The following ALCAM variants were observed in gnomAD, a reference collection of about 807,000 sequenced individuals.
ALCAM encodes the protein CD166 antigen.
In ALCAM, 30 loss-of-function variants were observed where a neutral mutation model predicts 70.9. The observed-to-expected ratio is 0.42, with a 90% CI of 0.32 to 0.57. The LOEUF is 0.57. Among genes scored for constraint, ALCAM ranks in the 20% least tolerant of loss-of-function variants. The probability of loss-of-function intolerance (pLI) is 0.11; values close to 1 mark genes in which losing one functional copy is unlikely to be tolerated. For missense variants in ALCAM, 591 were observed against 695.1 expected (o/e 0.85, Z 1.68); for synonymous variants, 249 against 242.5 (o/e 1.03, Z -0.25).
At chr3:105,474,453 T>C (rs1343498955) in intron 1 of ALCAM, among the ~76,000 whole-genome samples, 1 of 151,812 alleles carries the variant, frequency 6.6e-6, no homozygotes, top group East Asian at 1.9e-4. Context: ...TTCAGTCTGA[T>C]TAAATTGTCC....
chr3:105,524,671 A>C (rs1049022624), intron 3 of ALCAM, 163 bp downstream of exon 3: 1 of 1,335,630 alleles, frequency 7.5e-7, no homozygotes, highest in African/African-American at 1.5e-5. Context: ...CTATCAGCAA[A>C]GAAAACAAAG....
At chr3:105,538,929 A>G (rs1940044507) in intron 6 of ALCAM, among the ~76,000 whole-genome samples, 1 of 152,158 alleles carries the variant, frequency 6.6e-6, no homozygotes, top group Admixed American at 6.6e-5. Flanking sequence ...AAGTTTTTTT[A>G]TCTGCACTTT....
At chr3:105,453,869 G>A (rs1048193214) in intron 1 of ALCAM, among the ~76,000 whole-genome samples, 7 of 152,090 alleles carry the variant, frequency 4.6e-5, no homozygotes, top group South Asian at 2.1e-4. Context: ...TTGGCTCTCC[G>A]CTCGTCTCTT....
At chr3:105,430,434 G>A (rs369940667) in intron 1 of ALCAM, among the ~76,000 whole-genome samples, 2 of 152,010 alleles carry the variant, frequency 1.3e-5, no homozygotes, top group African/African-American at 4.8e-5. Flanking sequence ...TATTGGTCAG[G>A]TATTTACTAG....
chr3:105,567,474 T>A (rs1194950710), intron 14 of ALCAM, among the ~76,000 whole-genome samples: 1 of 152,110 alleles, frequency 6.6e-6, no homozygotes, highest in Non-Finnish European at 1.5e-5. Flanking sequence ...ATCTCCTCAC[T>A]TTTTTACTGT....
At chr3:105,553,916 C>A (rs1330778921) in intron 14 of ALCAM, among the ~76,000 whole-genome samples, 2 of 151,778 alleles carry the variant, frequency 1.3e-5, no homozygotes, top group East Asian at 1.9e-4. Flanking sequence ...TTATTTTGTG[C>A]CACATTAGGC....
chr3:105,386,476 T>C (rs1935658342), intron 1 of ALCAM, among the ~76,000 whole-genome samples: 1 of 151,546 alleles, frequency 6.6e-6, no homozygotes. Flanking sequence ...TTGTAGACAT[T>C]ACCCTAAATG....
At chr3:105,478,518 T>G (rs1938183629) in intron 1 of ALCAM, among the ~76,000 whole-genome samples, 1 of 152,140 alleles carries the variant, frequency 6.6e-6, no homozygotes, top group Non-Finnish European at 1.5e-5. Context: ...GTGCAGTCCA[T>G]ACACATACGC....
chr3:105,556,916 A>AT (rs1940531750), intron 14 of ALCAM, among the ~76,000 whole-genome samples: 2 of 151,656 alleles, frequency 1.3e-5, no homozygotes, highest in Non-Finnish European at 2.9e-5. Context: ...TTTTTTGGTT[A>AT]TTTTTTACTG....
chr3:105,513,149 A>G (rs1471038624), intron 1 of ALCAM, among the ~76,000 whole-genome samples: 1 of 149,042 alleles, frequency 6.7e-6, no homozygotes, highest in Non-Finnish European at 1.5e-5. Flanking sequence ...ATTTAAGTTT[A>G]TCACCACTTA....
At chr3:105,432,540 A>G (rs368490982) in intron 1 of ALCAM, among the ~76,000 whole-genome samples, 1 of 152,200 alleles carries the variant, frequency 6.6e-6, no homozygotes, top group Non-Finnish European at 1.5e-5. Flanking sequence ...ATTGGTTTAA[A>G]AGGTTTTTGT....
intron 1 of ALCAM, among the ~76,000 whole-genome samples, chr3:105,421,208 G>A (rs1936643481): frequency 6.6e-6 from 1 of 151,278 alleles, no homozygotes; most frequent in South Asian, 2.1e-4. Context: ...ATGAGCAAGT[G>A]GTTCCATTTA....
Position 105,552,571 on chromosome 3 carries a change from C to T in ALCAM, c.1650C>T (p.Tyr550=). The T allele has an allele frequency of 6.2e-7, 1 of 1,611,398 alleles. No homozygotes were observed. Among genetic ancestry groups the T allele is most frequent in the Non-Finnish European group, 8.5e-7 (1 of 1,178,108 alleles). The change falls in exon 14 of 16, where the codon TAC becomes TAT. Residue 550 remains tyrosine, a synonymous_variant. Transcript: ENST00000306107. ...ALVAGVVYWL[Y]MKKSKTASKH... Reference sequence around the variant, plus strand: ...TTGCTGGTGTCGTCTACTGGCTGTACATGAAGAAGTCAAAGTGAGTTGTGG... The same window carrying T: ...TTGCTGGTGTCGTCTACTGGCTGTATATGAAGAAGTCAAAGTGAGTTGTGG...
intron 8 of ALCAM, among the ~76,000 whole-genome samples, chr3:105,544,102 A>C (rs1482845080): frequency 6.6e-6 from 1 of 151,664 alleles, no homozygotes; most frequent in African/African-American, 2.4e-5. Flanking sequence ...GTGTAATGGC[A>C]AGTCTTCATA....
intron 1 of ALCAM, among the ~76,000 whole-genome samples, chr3:105,368,259 G>GAGAGAGAGAGAGAGAA: frequency 6.9e-6 from 1 of 145,970 alleles, no homozygotes; most frequent in South Asian, 2.2e-4. Flanking sequence ...GAGAGAGAGA[G>GAGAGAGAGAGAGAGAA]AGAGAAAAGG....
chr3:105,466,745 C>T (rs1235216354), intron 1 of ALCAM, among the ~76,000 whole-genome samples: 2 of 151,364 alleles, frequency 1.3e-5, no homozygotes, highest in Non-Finnish European at 3.0e-5. Context: ...CTATCTATAT[C>T]CAGTTCAAAT....
chr3:105,474,908 A>T (rs964971896), intron 1 of ALCAM, among the ~76,000 whole-genome samples: 1 of 151,232 alleles, frequency 6.6e-6, no homozygotes, highest in Non-Finnish European at 1.5e-5. Flanking sequence ...ACTGCCAATT[A>T]AAGATTATCC....
chr3:105,400,683 G>T (rs951451643), intron 1 of ALCAM, among the ~76,000 whole-genome samples: 1 of 152,184 alleles, frequency 6.6e-6, no homozygotes, highest in Non-Finnish European at 1.5e-5. Context: ...TCAAGTGTAA[G>T]ATTCCCTGAA....
chr3:105,438,351 AC>A (rs1435205595), intron 1 of ALCAM, among the ~76,000 whole-genome samples: 5 of 152,064 alleles, frequency 3.3e-5, no homozygotes, highest in Non-Finnish European at 7.4e-5. Context: ...TTGGCATTTT[AC>A]TTACTTATCT....
Sources: allele counts gnomAD v4.1 joint callset (sites outside exome capture counted in the v4.1 genomes callset), GRCh38; gene constraint gnomAD v4.1.1; transcripts MANE v1.5; gene names NCBI Gene and HGNC (gene_info 2026-07-23, HGNC 2026-07-21).